UNC45B: variants seen among roughly 807,000 people sequenced by gnomAD.
The protein encoded by UNC45B is unc-45 myosin chaperone B, also known as protein unc-45 homolog B.
UNC45B carries 78 observed loss-of-function variants against 98.7 expected under a neutral mutation model. That is an observed-to-expected ratio of 0.79 (90% CI 0.66 to 0.95). The LOEUF is 0.95. UNC45B is among the 40% of genes least tolerant of loss of function. UNC45B has a pLI of 0.00. For missense variants in UNC45B, 1,225 were observed against 1,184.9 expected, an observed-to-expected ratio of 1.03 and a Z score of -0.50; for synonymous variants, 462 against 480.4, an observed-to-expected ratio of 0.96 and a Z score of 0.50.
chr17:35,177,154 A>G, intron 16 of UNC45B, 24 bp downstream of exon 16: 2 of 1,601,618 alleles, frequency 1.2e-6, no homozygotes, highest in Non-Finnish European at 1.7e-6. Context: ...TAGATGGGAT[A>G]GGGCAATGGG....
intron 8 of UNC45B, among the ~76,000 whole-genome samples, chr17:35,160,165 G>A (rs2092092554): frequency 6.6e-6 from 1 of 152,202 alleles, no homozygotes; most frequent in East Asian, 1.9e-4. Context: ...GGAAGAGAAA[G>A]GAGGAGGTAG....
At chr17:35,164,934 T>A (rs549713529) in intron 9 of UNC45B, among the ~76,000 whole-genome samples, 1 of 151,758 alleles carries the variant, frequency 6.6e-6, no homozygotes, top group Non-Finnish European at 1.5e-5. Flanking sequence ...AGTGGCATGA[T>A]CATGACTCAC....
At chr17:35,159,226 A>C in intron 7 of UNC45B, 149 bp from the exon 8 acceptor site, 1 of 777,756 alleles carries the variant, frequency 1.3e-6, no homozygotes. Context: ...TCCAGGTGAG[A>C]TGGGCAACAC....
intron 15 of UNC45B, 25 bp from the exon 16 acceptor site, chr17:35,176,992 G>A (rs1023151097): frequency 1.3e-6 from 2 of 1,590,462 alleles, no homozygotes; most frequent in East Asian, 4.5e-5. Flanking sequence ...CTGTGACTAA[G>A]TAGTGACCTT....
chr17:35,170,037 T>C, intron 11 of UNC45B, 77 bp from the exon 12 acceptor site: 1 of 1,603,174 alleles, frequency 6.2e-7, no homozygotes, highest in Non-Finnish European at 8.5e-7. Flanking sequence ...CACCCCTGGT[T>C]CACCACCCTG....
At chr17:35,168,433 A>G in intron 10 of UNC45B, 72 bp downstream of exon 10, 1 of 1,258,636 alleles carries the variant, frequency 7.9e-7, no homozygotes. Context: ...ACCAAAATGA[A>G]TGAGTTGAGG....
intron 16 of UNC45B, 35 bp from the exon 17 acceptor site, chr17:35,177,460 C>T (rs2092242695): frequency 6.6e-7 from 1 of 1,509,070 alleles, no homozygotes; most frequent in Admixed American, 2.0e-5. Context: ...GAACAAAGTC[C>T]TCACCTGACC....
At chr17:35,148,002 T>C in intron 1 of UNC45B, 92 bp downstream of exon 1, 1 of 483,484 alleles carries the variant, frequency 2.1e-6, no homozygotes, top group Non-Finnish European at 3.7e-6. Context: ...TGGCACAAAC[T>C]AAGCAGCTTC....
intron 7 of UNC45B, among the ~76,000 whole-genome samples, chr17:35,158,589 A>G (rs915820082): frequency 7.2e-5 from 11 of 152,130 alleles, no homozygotes; most frequent in African/African-American, 2.4e-4. Context: ...AAATTCTTCC[A>G]CATATTGATT....
At position 35,177,482 on chromosome 17, in the gene UNC45B, C is replaced by A. The variant is rs768789441; in HGVS notation, c.2140-13C>A. On this transcript the variant is annotated splice_polypyrimidine_tract_variant and intron_variant, in intron 16 of 19. Transcript: ENST00000394570. ...GTCCTCACCTGACCAAACCCTTGAC[C>A]CCTCCCCAACAGGTGTATGAGGTGG... The A allele has an allele frequency of 1.3e-6, 2 of 1,549,884 alleles. No individual in the cohort carries two copies. The highest frequency in any genetic ancestry group is 8.7e-7 in the Non-Finnish European group (1 of 1,144,746).
intron 7 of UNC45B, among the ~76,000 whole-genome samples, chr17:35,158,933 C>A (rs754617811): frequency 4.6e-5 from 7 of 152,162 alleles, no homozygotes; most frequent in Non-Finnish European, 8.8e-5. Context: ...GAAGTCCCGG[C>A]GTCACAGGCA....
intron 18 of UNC45B, among the ~76,000 whole-genome samples, chr17:35,181,517 A>T (rs984320254): frequency 6.6e-6 from 1 of 152,218 alleles, no homozygotes; most frequent in South Asian, 2.1e-4. Context: ...AAGGCCAGGT[A>T]TGGTGGCTCA....
rs1363001550 is a variant in UNC45B at position 35,164,127 on chromosome 17, A to C, written c.1112A>C (p.Glu371Ala). The C allele has an allele frequency of 6.2e-7, 1 of 1,613,452 alleles. No individual in the cohort carries two copies. Among genetic ancestry groups the C allele is most frequent in the African/African-American group, 1.3e-5 (1 of 74,882 alleles). The change falls in exon 9 of 20, where the codon GAG (glutamate) becomes GCG (alanine). Residue 371 changes from glutamate to alanine, a missense_variant. Transcript: ENST00000394570. ...TATGATGACCTGCGCTGTGACCCGG[A>C]GCGCGATCACTTCCGCAAGATCTGT... is the stretch of plus-strand genomic sequence containing the variant. ...KLYDDLRCDP[E>A]RDHFRKICEE...
chr17:35,177,267 C>A, intron 16 of UNC45B, 137 bp downstream of exon 16: 1 of 857,008 alleles, frequency 1.2e-6, no homozygotes. Flanking sequence ...ATGGAGGCAC[C>A]TGGATTCCAG....
At chr17:35,160,481 C>T (rs1310820291) in intron 8 of UNC45B, among the ~76,000 whole-genome samples, 5 of 152,190 alleles carry the variant, frequency 3.3e-5, no homozygotes, top group Admixed American at 1.3e-4. Context: ...CTCTGCTGCT[C>T]ATGCCAGAGT....
intron 10 of UNC45B, among the ~76,000 whole-genome samples, chr17:35,169,408 TAAGAA>T (rs1211286046): frequency 2.8e-4 from 42 of 152,170 alleles, no homozygotes; most frequent in Non-Finnish European, 2.2e-4. Context: ...ACCGCCCCCC[TAAGAA>T]AAGTCCAATT....
intron 18 of UNC45B, 26 bp from the exon 19 acceptor site, chr17:35,183,401 C>T: frequency 3.3e-6 from 5 of 1,508,452 alleles, no homozygotes; most frequent in Non-Finnish European, 4.4e-6. Context: ...ACAGTTTTCT[C>T]TGAGCCATGT....
At chr17:35,165,001 A>C (rs990811999) in intron 9 of UNC45B, among the ~76,000 whole-genome samples, 5 of 151,986 alleles carry the variant, frequency 3.3e-5, no homozygotes, top group African/African-American at 1.2e-4. Flanking sequence ...CAGCCTCCCA[A>C]GTAGCTGAGA....
chr17:35,175,905 C>A, intron 14 of UNC45B, 63 bp from the exon 15 acceptor site: 2 of 1,523,966 alleles, frequency 1.3e-6, no homozygotes, highest in Non-Finnish European at 1.8e-6. Context: ...TGGCCTGCTG[C>A]TGCTGCTGCC....
Sources: allele counts gnomAD v4.1 joint callset (sites outside exome capture counted in the v4.1 genomes callset), GRCh38; gene constraint gnomAD v4.1.1; transcripts MANE v1.5; gene names NCBI Gene and HGNC (gene_info 2026-07-23, HGNC 2026-07-21).